The following GNA12 variants were observed in gnomAD, a reference collection of about 807,000 sequenced individuals.
GNA12 encodes the protein G protein subunit alpha 12, also known as guanine nucleotide-binding protein subunit alpha-12.
Under a neutral mutation model 26.0 loss-of-function variants are expected in GNA12, and 9 were observed. That is an observed-to-expected ratio of 0.35 (90% CI 0.21 to 0.60). The LOEUF (loss-of-function observed/expected upper bound fraction) is 0.60, where lower values mean the gene tolerates loss of function less well. GNA12 is among the 20% of genes least tolerant of loss of function. The probability of loss-of-function intolerance (pLI) is 0.78; values close to 1 mark genes in which losing one functional copy is unlikely to be tolerated. For synonymous variants in GNA12, 264 were observed against 219.6 expected, an observed-to-expected ratio of 1.20 and a Z score of -1.79; for missense variants, 405 against 525.8, an observed-to-expected ratio of 0.77 and a Z score of 2.25.
chr7:2,821,351 G>T (rs889825743), intron 1 of GNA12, among the ~76,000 whole-genome samples: 16 of 152,198 alleles, frequency 1.1e-4, no homozygotes, highest in Non-Finnish European at 2.2e-4. Flanking sequence ...CCATGAGAAT[G>T]AATTCACCAA....
At chr7:2,755,040 T>G (rs1791225807) in intron 2 of GNA12, among the ~76,000 whole-genome samples, 1 of 152,222 alleles carries the variant, frequency 6.6e-6, no homozygotes, top group Non-Finnish European at 1.5e-5. Flanking sequence ...AAGGCTCTCC[T>G]TCTTCACTGA....
chr7:2,767,503 G>C (rs981954122), intron 2 of GNA12, among the ~76,000 whole-genome samples: 6 of 152,152 alleles, frequency 3.9e-5, no homozygotes, highest in Non-Finnish European at 8.8e-5. Flanking sequence ...CCTTTCGATA[G>C]CCACCTGGGG....
chr7:2,762,537 C>T, intron 2 of GNA12: 1 of 1,229,028 alleles, frequency 8.1e-7, no homozygotes, highest in Non-Finnish European at 1.1e-6. Context: ...TTCCACCACG[C>T]CTTCTATTCT....
chr7:2,826,608 T>C (rs1793490449), intron 1 of GNA12, among the ~76,000 whole-genome samples: 1 of 152,048 alleles, frequency 6.6e-6, no homozygotes, highest in African/African-American at 2.4e-5. Flanking sequence ...AACTCCATAA[T>C]GAAAAGAAAT....
chr7:2,797,411 T>C (rs999389784), intron 1 of GNA12, among the ~76,000 whole-genome samples: 8 of 151,942 alleles, frequency 5.3e-5, no homozygotes, highest in African/African-American at 1.7e-4. Flanking sequence ...TCCAAAGCAC[T>C]AGGAATTACA....
intron 2 of GNA12, among the ~76,000 whole-genome samples, chr7:2,738,307 C>G (rs897804726): frequency 6.6e-6 from 1 of 151,326 alleles, no homozygotes; most frequent in African/African-American, 2.4e-5. Context: ...AATTAGGTAA[C>G]AGATTCACTG....
At chr7:2,737,412 C>T (rs960252025) in intron 2 of GNA12, among the ~76,000 whole-genome samples, 1 of 150,144 alleles carries the variant, frequency 6.7e-6, no homozygotes, top group Admixed American at 6.7e-5. Context: ...CCTCAGCCTA[C>T]AGAGTAGTTG....
chr7:2,734,199 G>A (rs544700583), intron 2 of GNA12, among the ~76,000 whole-genome samples: 40 of 152,310 alleles, frequency 2.6e-4, no homozygotes, highest in African/African-American at 9.1e-4. Context: ...GCGCTGAGCC[G>A]CCAAATGCGA....
At chr7:2,832,119 G>A (rs1026075470) in intron 1 of GNA12, among the ~76,000 whole-genome samples, 22 of 152,268 alleles carry the variant, frequency 1.4e-4, no homozygotes, top group East Asian at 5.8e-4. Context: ...CCAGGACATC[G>A]TTAGACTAGT....
chr7:2,806,122 T>G (rs562959216), intron 1 of GNA12, among the ~76,000 whole-genome samples: 1 of 152,348 alleles, frequency 6.6e-6, no homozygotes, highest in African/African-American at 2.4e-5. Flanking sequence ...ACACGTGCCT[T>G]ACATTTGTGG....
At chr7:2,810,941 G>T (rs962824798) in intron 1 of GNA12, among the ~76,000 whole-genome samples, 1 of 151,448 alleles carries the variant, frequency 6.6e-6, no homozygotes, top group Non-Finnish European at 1.5e-5. Context: ...AAAAGATAAT[G>T]AGATAACATG....
chr7:2,806,007 G>C (rs985806634), intron 1 of GNA12, among the ~76,000 whole-genome samples: 3 of 152,180 alleles, frequency 2.0e-5, no homozygotes, highest in African/African-American at 4.8e-5. Context: ...ATTACATGTT[G>C]CAATTGTAAT....
chr7:2,767,951 T>C (rs548013396), intron 2 of GNA12, among the ~76,000 whole-genome samples: 1 of 152,240 alleles, frequency 6.6e-6, no homozygotes, highest in East Asian at 1.9e-4. Context: ...GCCTCCTGGG[T>C]TCAAGCAATT....
chr7:2,844,280 T>G lies in GNA12; in HGVS notation c.-119A>C. On this transcript the variant is annotated 5_prime_UTR_variant, in exon 1 of 4. Transcript: ENST00000275364. ...GCCCCGCCGCTCGCCTCAGGCCGCG[T>G]CCGCCGCCGCCGCTGCAGTCGCTCC... 5 of 379,340 alleles carry G rather than the reference T, an allele frequency of 1.3e-5. No homozygotes were observed. Among genetic ancestry groups the G allele is most frequent in the Non-Finnish European group, 1.8e-5 (5 of 277,760 alleles). The allele number at this position is 379,340 out of a possible 1,614,324, so 23.5% of individuals were successfully genotyped here.
At chr7:2,749,533 G>T (rs1432672897) in intron 2 of GNA12, among the ~76,000 whole-genome samples, 1 of 137,232 alleles carries the variant, frequency 7.3e-6, no homozygotes, top group Admixed American at 7.3e-5. Flanking sequence ...AGGGGGGAGG[G>T]ATAGCATTAG....
intron 2 of GNA12, among the ~76,000 whole-genome samples, chr7:2,754,879 A>C (rs1386712187): frequency 6.6e-6 from 1 of 152,342 alleles, no homozygotes; most frequent in East Asian, 1.9e-4. Context: ...CTAGGCCCCA[A>C]GGAGTTTCTA....
intron 1 of GNA12, among the ~76,000 whole-genome samples, chr7:2,843,268 G>C (rs967509400): frequency 6.6e-6 from 1 of 152,162 alleles, no homozygotes; most frequent in African/African-American, 2.4e-5. Context: ...CATCCAGGAG[G>C]GGGCTAAGTG....
chr7:2,780,046 GTGTACATATATATATATATATATA>G lies in GNA12; in HGVS notation c.525+14858_525+14881del, dbSNP rs1216213253. Among the ~76,000 whole-genome samples the G allele has an allele frequency of 4.9e-4, 42 of 85,834 alleles. 2 individuals carry two copies. The highest frequency in any genetic ancestry group is 3.5e-3 in the East Asian group (10 of 2,846). 56.3% of individuals were successfully genotyped at this position (85,834 alleles called of 152,430 possible). On this transcript the variant is annotated intron_variant, in intron 2 of 3. Transcript: ENST00000275364. ...ACGTACTAGTTTTTTACACATTTCT[GTGTACATATATATATATATATATA>G]TATATATATATATATATATATATGC...
intron 1 of GNA12, among the ~76,000 whole-genome samples, chr7:2,799,210 G>C (rs1471760004): frequency 6.6e-6 from 1 of 152,144 alleles, no homozygotes; most frequent in East Asian, 1.9e-4. Context: ...GCTATGAACT[G>C]GGAGAAAATA....
Sources: allele counts gnomAD v4.1 joint callset (sites outside exome capture counted in the v4.1 genomes callset), GRCh38; gene constraint gnomAD v4.1.1; transcripts MANE v1.5; gene names NCBI Gene and HGNC (gene_info 2026-07-23, HGNC 2026-07-21).